PCDH15: variants seen among roughly 807,000 people sequenced by gnomAD.
PCDH15 encodes the protein protocadherin-15.
Under a neutral mutation model 178.5 loss-of-function variants are expected in PCDH15, and 129 were observed. The observed-to-expected ratio is 0.72, with a 90% CI of 0.63 to 0.84. The LOEUF (loss-of-function observed/expected upper bound fraction) is 0.84. Ranked by LOEUF, PCDH15 falls within the 40% of genes least tolerant of loss-of-function variation. The pLI is 0.00. For synonymous variants in PCDH15, 800 were observed against 732.0 expected, an observed-to-expected ratio of 1.09 and a Z score of -1.50; for missense variants, 2,230 against 2,099.9, an observed-to-expected ratio of 1.06 and a Z score of -1.21.
At chr10:54,419,239 T>TACGTACACACAC (rs1554962297) in intron 3 of PCDH15, among the ~76,000 whole-genome samples, 8 of 83,198 alleles carry the variant, frequency 9.6e-5, no homozygotes, top group Middle Eastern at 0.017. Context: ...TATACATATA[T>TACGTACACACAC]ACATACACAC....
chr10:55,302,264 AT>A (rs1398075675), intron 1 of PCDH15, among the ~76,000 whole-genome samples: 2 of 152,098 alleles, frequency 1.3e-5, no homozygotes, highest in African/African-American at 4.8e-5. Context: ...TTATTAATTT[AT>A]TTCATAAAGT....
At chr10:55,552,541 T>C (rs1331403598) in intron 2 of PCDH15, among the ~76,000 whole-genome samples, 2 of 151,470 alleles carry the variant, frequency 1.3e-5, no homozygotes, top group Non-Finnish European at 3.0e-5. Flanking sequence ...TTCCTATCTT[T>C]GTGTTCCCAA....
chr10:54,468,483 A>AT lies in PCDH15; in HGVS notation c.157+59328dup, dbSNP rs1338729409. ...TAATATAGTTTTCAAAGTTCTTGTT[A>AT]TTTTTTATTCCACTGTGTTCTGAGA... On this transcript the variant is annotated intron_variant, in intron 3 of 37. Transcript: ENST00000644397. Among the ~76,000 whole-genome samples the AT allele has an allele frequency of 2.6e-5, 4 of 151,726 alleles. No homozygotes were observed. In the East Asian group the frequency reaches 5.8e-4, roughly 22 times the overall value.
chr10:54,527,479 G>A (rs2083465849), intron 3 of PCDH15, among the ~76,000 whole-genome samples: 1 of 152,064 alleles, frequency 6.6e-6, no homozygotes, highest in Non-Finnish European at 1.5e-5. Flanking sequence ...CTTCTTTGGA[G>A]GAATACGTTG....
chr10:54,705,274 T>C (rs1234448361), intron 1 of PCDH15, among the ~76,000 whole-genome samples: 3 of 152,054 alleles, frequency 2.0e-5, no homozygotes, highest in Non-Finnish European at 4.4e-5. Context: ...CTAATTTACT[T>C]ATATAACAAA....
At chr10:55,155,562 A>ACTTCAGG (rs1838861608) in intron 2 of PCDH15, among the ~76,000 whole-genome samples, 1 of 151,766 alleles carries the variant, frequency 6.6e-6, no homozygotes, top group Non-Finnish European at 1.5e-5. Context: ...AAAAGGAAGT[A>ACTTCAGG]CTTCAGGCTT....
chr10:54,428,029 A>C (rs1355470906), intron 3 of PCDH15, among the ~76,000 whole-genome samples: 1 of 152,182 alleles, frequency 6.6e-6, no homozygotes, highest in Non-Finnish European at 1.5e-5. Context: ...ACTAAATGTT[A>C]CTCTTGAAGC....
intron 6 of PCDH15, among the ~76,000 whole-genome samples, chr10:54,332,194 C>A (rs1408224103): frequency 2.2e-5 from 3 of 137,330 alleles, no homozygotes; most frequent in Admixed American, 1.6e-4. Context: ...TAATAAATTA[C>A]CTTTTTGGTT....
intron 2 of PCDH15, among the ~76,000 whole-genome samples, chr10:55,325,399 C>T (rs145999039): frequency 9.2e-5 from 14 of 152,048 alleles, no homozygotes; most frequent in African/African-American, 3.4e-4. Context: ...GAATAAAGAT[C>T]CCAGAAATAA....
At chr10:54,642,738 T>C (rs994174027) in intron 2 of PCDH15, among the ~76,000 whole-genome samples, 5 of 152,170 alleles carry the variant, frequency 3.3e-5, no homozygotes, top group African/African-American at 1.2e-4. Context: ...ATACCTTATA[T>C]AGTTATTGAA....
chr10:55,594,290 CAG>C (rs2132135267), intron 2 of PCDH15, among the ~76,000 whole-genome samples: 1 of 151,810 alleles, frequency 6.6e-6, no homozygotes, highest in South Asian at 2.1e-4. Context: ...TCCATGTAGA[CAG>C]AGTGATAATA....
At chr10:54,826,910 G>A (rs1045323927) in intron 3 of PCDH15, among the ~76,000 whole-genome samples, 1 of 152,038 alleles carries the variant, frequency 6.6e-6, no homozygotes, top group Non-Finnish European at 1.5e-5. Context: ...CTTATATGCA[G>A]ACTTAGAATT....
In PCDH15 at chr10:55,029,666, A is replaced by C. The variant is rs57222046; in HGVS notation, c.-79-132166T>G. Reference sequence around the variant, plus strand: ...ATGTGGTCTTGGTCAATCAATGGTAACTGCCTGTTCCTTCTATTCCTGTTG... The same window carrying C: ...ATGTGGTCTTGGTCAATCAATGGTACCTGCCTGTTCCTTCTATTCCTGTTG... On this transcript the variant is annotated intron_variant, in intron 2 of 5. Transcript: ENST00000458638. Among the ~76,000 whole-genome samples the C allele has an allele frequency of 5.2e-3, 793 of 152,270 alleles. 4 individuals are homozygous for C. The highest frequency in any genetic ancestry group is 0.018 in the African/African-American group (762 of 41,570).
intron 2 of PCDH15, among the ~76,000 whole-genome samples, chr10:55,116,481 C>T (rs1009822062): frequency 4.6e-5 from 7 of 151,952 alleles, no homozygotes; most frequent in Admixed American, 2.0e-4. Context: ...AGGTATGCCA[C>T]GAAGATTCAT....
intron 2 of PCDH15, among the ~76,000 whole-genome samples, chr10:55,488,345 T>TA (rs1840342882): frequency 6.6e-6 from 1 of 151,582 alleles, no homozygotes. Context: ...GTCTACAGTG[T>TA]AGTGCCTTAA....
intron 1 of PCDH15, among the ~76,000 whole-genome samples, chr10:55,277,734 CT>C (rs983105006): frequency 3.3e-5 from 5 of 151,936 alleles, no homozygotes; most frequent in Non-Finnish European, 7.4e-5. Context: ...CAATATGTGC[CT>C]ATAAGCAACA....
At chr10:54,391,428 TTGG>T (rs1247366319) in intron 3 of PCDH15, among the ~76,000 whole-genome samples, 2 of 152,142 alleles carry the variant, frequency 1.3e-5, no homozygotes, top group African/African-American at 2.4e-5. Flanking sequence ...ACTATAATAC[TTGG>T]TGTACCAGCA....
chr10:54,301,678 G>C (rs754431133), intron 8 of PCDH15, among the ~76,000 whole-genome samples: 2 of 152,112 alleles, frequency 1.3e-5, no homozygotes, highest in East Asian at 3.9e-4. Flanking sequence ...ATGCTTCCAG[G>C]TGATGAATTT....
At chr10:53,840,978 C>A (rs1035387684) in intron 28 of PCDH15, among the ~76,000 whole-genome samples, 10 of 152,284 alleles carry the variant, frequency 6.6e-5, no homozygotes, top group African/African-American at 1.9e-4. Context: ...TGCAGAATCA[C>A]AGCAACGGGA....
Sources: gnomAD v4.1 joint callset for allele counts (sites outside exome capture counted in the v4.1 genomes callset) on GRCh38, gnomAD v4.1.1 for gene constraint, MANE v1.5 for transcripts, NCBI Gene and HGNC (gene_info 2026-07-23, HGNC 2026-07-21) for gene names.